Variants in GPC6 observed in about 807,000 individuals in gnomAD.
GPC6 encodes the protein glypican-6.
A neutral mutation model predicts 55.2 loss-of-function variants in GPC6; 14 were observed. The ratio of observed to expected loss-of-function variants is 0.25; its 90% CI spans 0.17 to 0.40. The LOEUF is 0.40. GPC6 is among the 10% of genes least tolerant of loss of function. The pLI is 1.00. For synonymous variants in GPC6, 278 were observed against 259.6 expected (o/e 1.07, Z -0.68); for missense variants, 641 against 708.5 (o/e 0.90, Z 1.08).
chr13:94,227,452 A>G (rs1427637166), intron 4 of GPC6, among the ~76,000 whole-genome samples: 1 of 152,166 alleles, frequency 6.6e-6, no homozygotes, highest in East Asian at 1.9e-4. Context: ...TTCAGGTCAC[A>G]CTCTGACCAC....
chr13:93,890,743 GT>G (rs1393141147), intron 3 of GPC6, among the ~76,000 whole-genome samples: 2 of 117,624 alleles, frequency 1.7e-5, no homozygotes, highest in Non-Finnish European at 3.5e-5. Flanking sequence ...TGCTTAGAAA[GT>G]TATATTTTTC....
chr13:93,810,310 A>C (rs2138950063), intron 2 of GPC6, among the ~76,000 whole-genome samples: 1 of 152,314 alleles, frequency 6.6e-6, no homozygotes, highest in African/African-American at 2.4e-5. Context: ...CACTTTTCTA[A>C]ATGAAATGGA....
intron 1 of GPC6, among the ~76,000 whole-genome samples, chr13:93,464,083 C>T (rs1878811862): frequency 6.6e-6 from 1 of 152,110 alleles, no homozygotes; most frequent in African/African-American, 2.4e-5. Flanking sequence ...GTGTCTACAA[C>T]CGGTACATAT....
At chr13:94,392,702 CG>C (rs1594236577) in intron 7 of GPC6, among the ~76,000 whole-genome samples, 4 of 116,642 alleles carry the variant, frequency 3.4e-5, no homozygotes, top group Middle Eastern at 4.5e-3. Context: ...CTCGAACTCT[CG>C]ACCTCAGGTG....
chr13:94,286,309 T>C (rs749245688), intron 4 of GPC6, 40 bp from the exon 5 acceptor site: 2 of 1,612,044 alleles, frequency 1.2e-6, no homozygotes, highest in Admixed American at 1.7e-5. Flanking sequence ...AACCTGGAGC[T>C]CCCAGTTTGC....
chr13:94,306,348 G>A (rs546111612), intron 6 of GPC6: 3 of 599,616 alleles, frequency 5.0e-6, no homozygotes, highest in African/African-American at 3.7e-5. Context: ...ATTAATGCAT[G>A]TATGCAGTGA....
intron 3 of GPC6, among the ~76,000 whole-genome samples, chr13:93,963,171 A>G (rs763507682): frequency 6.6e-6 from 1 of 152,180 alleles, no homozygotes; most frequent in Non-Finnish European, 1.5e-5. Context: ...TTCCAAGATC[A>G]CTATGAGTAT....
intron 4 of GPC6, among the ~76,000 whole-genome samples, chr13:94,059,616 C>A (rs996241327): frequency 1.3e-5 from 2 of 151,990 alleles, no homozygotes; most frequent in Non-Finnish European, 2.9e-5. Context: ...ATCTTATACA[C>A]AACAGATATT....
At chr13:94,273,149 G>T (rs2139067385) in intron 4 of GPC6, among the ~76,000 whole-genome samples, 1 of 152,318 alleles carries the variant, frequency 6.6e-6, no homozygotes, top group East Asian at 1.9e-4. Flanking sequence ...AGTAGGAACA[G>T]TCTCCCTGAT....
intron 2 of GPC6, among the ~76,000 whole-genome samples, chr13:93,726,474 G>A (rs910027480): frequency 6.6e-6 from 1 of 152,064 alleles, no homozygotes; most frequent in African/African-American, 2.4e-5. Context: ...TTACAGAGTA[G>A]GGGTTTGTAA....
intron 6 of GPC6, among the ~76,000 whole-genome samples, chr13:94,380,788 T>TC (rs1880122205): frequency 6.6e-6 from 1 of 152,228 alleles, no homozygotes; most frequent in African/African-American, 2.4e-5. Flanking sequence ...ATGTCTTTTA[T>TC]TGGCAATTAT....
intron 2 of GPC6, among the ~76,000 whole-genome samples, chr13:93,662,997 T>A (rs1310864026): frequency 1.3e-5 from 2 of 151,372 alleles, no homozygotes; most frequent in Non-Finnish European, 2.9e-5. Flanking sequence ...GGATTGCGAA[T>A]CACTGTGATA....
Position 93,342,519 on chromosome 13 carries a change from A to G in GPC6, c.160+114903A>G, listed in dbSNP as rs116720332. On this transcript the variant is annotated intron_variant, in intron 1 of 8. Transcript: ENST00000377047. Reference sequence around the variant, plus strand: ...GGGAAAAACCCTCCCCCATGGTTCAATTACCTCCCATCAGGTCCCTCCCAC... The same window carrying G: ...GGGAAAAACCCTCCCCCATGGTTCAGTTACCTCCCATCAGGTCCCTCCCAC... Among the ~76,000 whole-genome samples, 1,213 of 152,278 alleles carry G rather than the reference A, an allele frequency of 8.0e-3. 20 individuals carry two copies. Among genetic ancestry groups the G allele is most frequent in the African/African-American group, 0.028 (1,169 of 41,556 alleles).
intron 4 of GPC6, among the ~76,000 whole-genome samples, chr13:94,064,731 A>C (rs1299670745): frequency 6.6e-6 from 1 of 152,080 alleles, no homozygotes; most frequent in Admixed American, 6.6e-5. Flanking sequence ...TAGGGCATTA[A>C]AATCACCCCT....
chr13:93,273,847 T>C (rs1349475685), intron 1 of GPC6, among the ~76,000 whole-genome samples: 2 of 152,044 alleles, frequency 1.3e-5, no homozygotes, highest in Non-Finnish European at 2.9e-5. Context: ...CTCACTCTGT[T>C]GCCTAGGCTG....
intron 3 of GPC6, among the ~76,000 whole-genome samples, chr13:93,980,418 A>G (rs192731752): frequency 2.4e-3 from 364 of 152,284 alleles, no homozygotes; most frequent in Admixed American, 4.7e-3. Context: ...AAATGGTAAT[A>G]AACTGTTAAC....
intron 2 of GPC6, among the ~76,000 whole-genome samples, chr13:93,680,216 A>G (rs546164784): frequency 2.0e-5 from 3 of 152,266 alleles, no homozygotes; most frequent in African/African-American, 7.2e-5. Flanking sequence ...GGACACAGAG[A>G]CACAAATGGA....
intron 1 of GPC6, among the ~76,000 whole-genome samples, chr13:93,271,328 C>G (rs569720041): frequency 6.6e-6 from 1 of 152,208 alleles, no homozygotes; most frequent in East Asian, 1.9e-4. Flanking sequence ...TTCTATTTGT[C>G]TCCCTGTGCT....
chr13:93,630,981 C>T (rs1040014478), intron 2 of GPC6, among the ~76,000 whole-genome samples: 4 of 152,050 alleles, frequency 2.6e-5, no homozygotes, highest in African/African-American at 9.7e-5. Context: ...CTAGTGTCCT[C>T]ATGAGAAAAG....
Sources: allele counts gnomAD v4.1 joint callset (sites outside exome capture counted in the v4.1 genomes callset), GRCh38; gene constraint gnomAD v4.1.1; transcripts MANE v1.5; gene names NCBI Gene and HGNC (gene_info 2026-07-23, HGNC 2026-07-21).